RGS6: variants seen among roughly 807,000 people sequenced by gnomAD.
The protein encoded by RGS6 is regulator of G protein signaling 6.
A neutral mutation model predicts 78.5 loss-of-function variants in RGS6; 30 were observed. That is an observed-to-expected ratio of 0.38 (90% CI 0.29 to 0.52). RGS6 has a LOEUF of 0.52. RGS6 is among the 20% of genes least tolerant of loss of function. RGS6 has a pLI of 0.85. For missense variants in RGS6, 495 were observed against 609.7 expected, an observed-to-expected ratio of 0.81 and a Z score of 1.98; for synonymous variants, 206 against 206.0, an observed-to-expected ratio of 1.00 and a Z score of 0.00.
At chr14:72,031,427 A>G (rs1481837557) in intron 2 of RGS6, among the ~76,000 whole-genome samples, 1 of 152,152 alleles carries the variant, frequency 6.6e-6, no homozygotes, top group African/African-American at 2.4e-5. Context: ...TTTTAAATGG[A>G]CTATTTAATA....
rs1274984591 is a variant in RGS6, at chr14:72,566,126, C to G, written c.*3659C>G. ...TGTGCTCGTGTAACCATAGCAACAG[C>G]AGATGCCAGCAACCTACTCATTAGT... On this transcript the variant is annotated 3_prime_UTR_variant, in exon 18 of 18. Coordinates refer to ENST00000553525, the MANE Select transcript of RGS6 (RefSeq NM_001204424.2). 1 of 152,236 alleles carries G rather than the reference C, an allele frequency of 6.6e-6. No individual in the cohort carries two copies. 9.4% of individuals were successfully genotyped at this position (152,236 alleles called of 1,614,324 possible). A position where few individuals can be genotyped will look rare whatever the true frequency, so the allele number is the denominator to read the frequency against.
chr14:72,459,432 A>G (rs1468914254), intron 5 of RGS6, among the ~76,000 whole-genome samples, 200 bp from the exon 6 acceptor site: 2 of 152,226 alleles, frequency 1.3e-5, no homozygotes, highest in Non-Finnish European at 2.9e-5. Flanking sequence ...TGTTTTGCTT[A>G]CTTACATTTT....
intron 2 of RGS6, among the ~76,000 whole-genome samples, chr14:72,067,281 G>A (rs1341874501): frequency 6.6e-6 from 1 of 152,090 alleles, no homozygotes; most frequent in Non-Finnish European, 1.5e-5. Context: ...TGGATGCAGG[G>A]AGGGGAACAT....
chr14:72,193,459 C>A (rs1489948981), intron 2 of RGS6, among the ~76,000 whole-genome samples: 1 of 152,212 alleles, frequency 6.6e-6, no homozygotes, highest in Admixed American at 6.5e-5. Flanking sequence ...GGCTTCCATT[C>A]ATTCATTCAA....
intron 1 of RGS6, among the ~76,000 whole-genome samples, chr14:71,948,633 G>C (rs1467109869): frequency 6.6e-6 from 1 of 150,582 alleles, no homozygotes; most frequent in Non-Finnish European, 1.5e-5. Context: ...TCAAGAAAGA[G>C]AATATTACCG....
At chr14:72,348,883 A>C (rs2078565084) in intron 2 of RGS6, among the ~76,000 whole-genome samples, 1 of 152,186 alleles carries the variant, frequency 6.6e-6, no homozygotes, top group Admixed American at 6.5e-5. Flanking sequence ...ATAAACATTT[A>C]TGGCCGGGCG....
chr14:72,032,738 G>A (rs1373007142), intron 2 of RGS6, among the ~76,000 whole-genome samples: 10 of 152,004 alleles, frequency 6.6e-5, no homozygotes. Context: ...ATGTTACTTA[G>A]CATAATGTTC....
chr14:72,111,380 G>T (rs542923030), intron 2 of RGS6, among the ~76,000 whole-genome samples: 5 of 152,266 alleles, frequency 3.3e-5, no homozygotes, highest in African/African-American at 1.2e-4. Context: ...GCCATTCCAT[G>T]TGGAAGGGAA....
chr14:72,055,989 TTAG>T (rs1190797482), intron 2 of RGS6, among the ~76,000 whole-genome samples: 2 of 152,242 alleles, frequency 1.3e-5, no homozygotes, highest in Non-Finnish European at 2.9e-5. Context: ...ATCTCAAAGT[TTAG>T]TGTGCATAAG....
At chr14:72,138,458 T>C (rs908234453) in intron 2 of RGS6, among the ~76,000 whole-genome samples, 1 of 149,808 alleles carries the variant, frequency 6.7e-6, no homozygotes, top group African/African-American at 2.5e-5. Context: ...TGTTTTTTTT[T>C]TTTTTTTTTT....
chr14:72,004,518 G>A (rs1482636886), intron 2 of RGS6, among the ~76,000 whole-genome samples: 1 of 152,206 alleles, frequency 6.6e-6, no homozygotes, highest in African/African-American at 2.4e-5. Context: ...CTATTGCTCA[G>A]TAATGGTGAA....
At chr14:72,457,200 G>A (rs928770726) in intron 4 of RGS6, among the ~76,000 whole-genome samples, 1 of 152,048 alleles carries the variant, frequency 6.6e-6, no homozygotes, top group African/African-American at 2.4e-5. Context: ...AAGGAGAATA[G>A]GTGGTTCTTG....
intron 2 of RGS6, among the ~76,000 whole-genome samples, chr14:72,315,698 T>A (rs2069960311): frequency 6.6e-6 from 1 of 152,220 alleles, no homozygotes; most frequent in African/African-American, 2.4e-5. Context: ...TAAGCATAGA[T>A]CATTACATTC....
intron 3 of RGS6, among the ~76,000 whole-genome samples, chr14:72,353,747 C>G (rs2079606827): frequency 6.6e-6 from 1 of 152,084 alleles, no homozygotes; most frequent in South Asian, 2.1e-4. Context: ...CTTTAGGAGG[C>G]TGAGGTAGGG....
chr14:72,309,568 T>G (rs947563142), intron 2 of RGS6, among the ~76,000 whole-genome samples: 1 of 152,250 alleles, frequency 6.6e-6, no homozygotes, highest in Admixed American at 6.5e-5. Context: ...TAGAAAACTT[T>G]CCTTTACCTA....
At chr14:72,605,085 T>C in the RGS6 span, among the ~76,000 whole-genome samples, 5 of 152,128 alleles carry the variant, frequency 3.3e-5, no homozygotes, top group Non-Finnish European at 5.9e-5. Flanking sequence ...AGGTTTGGGC[T>C]CCCTGTCTGG....
At chr14:72,259,422 T>C (rs765198438) in intron 2 of RGS6, among the ~76,000 whole-genome samples, 4 of 152,148 alleles carry the variant, frequency 2.6e-5, no homozygotes, top group South Asian at 2.1e-4. Flanking sequence ...GCATCTGATT[T>C]AGTGACTCCT....
intron 1 of RGS6, among the ~76,000 whole-genome samples, chr14:71,948,492 C>T (rs980331776): frequency 6.6e-6 from 1 of 152,204 alleles, no homozygotes; most frequent in African/African-American, 2.4e-5. Context: ...TCCTCCAGAT[C>T]TGCATTTATT....
rs149738354 is a variant in RGS6 at position 72,360,724 on chromosome 14, A to G, written c.184+8530A>G. ...GAGATCATAAGTTATAAATTAGTCA[A>G]CTAGGAAAGTAGAGATTGACTGGAC... On this transcript the variant is annotated intron_variant, in intron 3 of 17. Transcript: ENST00000553525. 2.6e-3 allele frequency among the ~76,000 whole-genome samples: 391 copies of G among 152,246 alleles called. 18 individuals are homozygous for G. Among genetic ancestry groups the G allele is most frequent in the Admixed American group, 0.024 (370 of 15,282 alleles).
Sources: allele counts gnomAD v4.1 joint callset (sites outside exome capture counted in the v4.1 genomes callset), GRCh38; gene constraint gnomAD v4.1.1; transcripts MANE v1.5; gene names NCBI Gene and HGNC (gene_info 2026-07-23, HGNC 2026-07-21).